Variants in TNR observed in about 807,000 individuals in gnomAD.
TNR encodes tenascin R.
Under a neutral mutation model 150.4 loss-of-function variants are expected in TNR, and 45 were observed. The ratio of observed to expected loss-of-function variants is 0.30; its 90% CI spans 0.24 to 0.38. The LOEUF is 0.38. Among genes scored for constraint, TNR ranks in the 10% least tolerant of loss-of-function variants. The pLI, the probability that TNR is intolerant of heterozygous loss-of-function variation, is 1.00. For synonymous variants in TNR, 687 were observed against 678.4 expected (o/e 1.01, Z -0.20); for missense variants, 1,544 against 1,759.1 (o/e 0.88, Z 2.19).
chr1:175,674,153 T>C (rs1450048752), intron 1 of TNR, among the ~76,000 whole-genome samples: 1 of 152,126 alleles, frequency 6.6e-6, no homozygotes, highest in Non-Finnish European at 1.5e-5. Context: ...TGTGCCCAGC[T>C]TGACCAGGGA....
intron 9 of TNR, among the ~76,000 whole-genome samples, chr1:175,368,973 G>GT (rs1469462817): frequency 6.6e-6 from 1 of 151,904 alleles, no homozygotes; most frequent in African/African-American, 2.4e-5. Flanking sequence ...AAACAAACAA[G>GT]TAAACAAAAA....
At chr1:175,565,039 G>C (rs1043096237) in intron 1 of TNR, among the ~76,000 whole-genome samples, 1 of 152,210 alleles carries the variant, frequency 6.6e-6, no homozygotes, top group African/African-American at 2.4e-5. Context: ...TAGCATCCAA[G>C]GCTAAAAGCT....
chr1:175,482,897 C>T (rs1657865372), intron 2 of TNR, among the ~76,000 whole-genome samples: 1 of 152,190 alleles, frequency 6.6e-6, no homozygotes, highest in Non-Finnish European at 1.5e-5. Flanking sequence ...GTACCAAGAC[C>T]TCACCCAATG....
intron 7 of TNR, among the ~76,000 whole-genome samples, chr1:175,388,749 T>C (rs1653044128): frequency 6.6e-6 from 1 of 152,244 alleles, no homozygotes; most frequent in Non-Finnish European, 1.5e-5. Flanking sequence ...TTCATGACTC[T>C]GTAGATGATG....
intron 1 of TNR, among the ~76,000 whole-genome samples, chr1:175,558,723 C>G (rs780472212): frequency 1.3e-5 from 2 of 151,858 alleles, no homozygotes; most frequent in South Asian, 4.2e-4. Context: ...ATTATGTTTC[C>G]TCTTTCCTTC....
chr1:175,353,199 C>A (rs1004751235), intron 18 of TNR, among the ~76,000 whole-genome samples: 1 of 152,208 alleles, frequency 6.6e-6, no homozygotes, highest in African/African-American at 2.4e-5. Flanking sequence ...GCTGAAACAT[C>A]TGGCGTCAAA....
intron 1 of TNR, among the ~76,000 whole-genome samples, chr1:175,600,181 A>G (rs915316539): frequency 6.6e-6 from 1 of 152,174 alleles, no homozygotes; most frequent in Non-Finnish European, 1.5e-5. Flanking sequence ...CATTTGTACA[A>G]TGGAGATAAT....
chr1:175,315,519 T>C lies in TNR; in HGVS notation c.*7838A>G, dbSNP rs1571275447. 6.6e-6 allele frequency: 1 copy of C among 152,290 alleles called. No homozygotes were observed. The highest frequency in any genetic ancestry group is 1.5e-5 in the Non-Finnish European group (1 of 68,022). The allele number at this position is 152,290 out of a possible 1,614,324, so 9.4% of individuals were successfully genotyped here. The stretch of plus-strand genomic sequence containing the variant: ...CATTGTAGCTACAAAGTCAATAAAT[T>C]GGTCTTTGTTATTTTTACCTGAAAA... On this transcript the variant is annotated 3_prime_UTR_variant, in exon 23 of 23. Coordinates refer to ENST00000367674, the MANE Select transcript of TNR (RefSeq NM_003285.3).
At chr1:175,699,210 C>A (rs369340961) in intron 1 of TNR, among the ~76,000 whole-genome samples, 1 of 151,866 alleles carries the variant, frequency 6.6e-6, no homozygotes, top group South Asian at 2.1e-4. Context: ...GCCTGAGTAA[C>A]TAGAATAATG....
At chr1:175,506,745 C>T (rs1014154056) in intron 2 of TNR, among the ~76,000 whole-genome samples, 1 of 152,222 alleles carries the variant, frequency 6.6e-6, no homozygotes, top group Non-Finnish European at 1.5e-5. Context: ...CTTGCTAGGG[C>T]AGTCCAAGCA....
intron 1 of TNR, among the ~76,000 whole-genome samples, chr1:175,716,387 C>G (rs1321582760): frequency 6.6e-6 from 1 of 152,188 alleles, no homozygotes; most frequent in African/African-American, 2.4e-5. Context: ...TCCCCTTCCC[C>G]CTGGTTGTTG....
chr1:175,602,928 A>G (rs536653284), intron 1 of TNR, among the ~76,000 whole-genome samples: 1 of 152,310 alleles, frequency 6.6e-6, no homozygotes, highest in East Asian at 1.9e-4. Flanking sequence ...TTTTTATTCA[A>G]CTTATTTTTT....
chr1:175,495,049 T>G (rs1422247525), intron 2 of TNR, among the ~76,000 whole-genome samples: 1 of 152,146 alleles, frequency 6.6e-6, no homozygotes, highest in Non-Finnish European at 1.5e-5. Flanking sequence ...ACGGCTGCAT[T>G]CATTCATTCA....
intron 8 of TNR, among the ~76,000 whole-genome samples, chr1:175,384,860 C>T (rs12569025): frequency 0.19 from 28,429 of 152,194 alleles, 2,821 homozygotes; most frequent in Middle Eastern, 0.28. Context: ...ATCTAGGGGA[C>T]ATTTTGGTGT....
At chr1:175,434,768 T>C (rs1655422872) in intron 2 of TNR, among the ~76,000 whole-genome samples, 1 of 152,202 alleles carries the variant, frequency 6.6e-6, no homozygotes, top group Admixed American at 6.5e-5. Context: ...ATGGAGTTTC[T>C]GAATTCTCTG....
chr1:175,473,864 T>C (rs1179335128), intron 2 of TNR, among the ~76,000 whole-genome samples: 1 of 152,156 alleles, frequency 6.6e-6, no homozygotes, highest in East Asian at 1.9e-4. Flanking sequence ...GTCTTTGTAA[T>C]AAAAAATGCT....
chr1:175,671,377 G>A (rs1238253845), intron 1 of TNR, among the ~76,000 whole-genome samples: 1 of 152,220 alleles, frequency 6.6e-6, no homozygotes, highest in Non-Finnish European at 1.5e-5. Context: ...GGGCAAGCTG[G>A]CCATGCTGAG....
chr1:175,638,372 C>T (rs1167279993), intron 1 of TNR, among the ~76,000 whole-genome samples: 1 of 152,206 alleles, frequency 6.6e-6, no homozygotes, highest in East Asian at 1.9e-4. Flanking sequence ...TTCAACCTCC[C>T]TCCTGGGGGA....
Position 175,329,960 on chromosome 1 carries a change from C to T in TNR, c.3793+114G>A, listed in dbSNP as rs148390767. On this transcript the variant is annotated intron_variant, in intron 21 of 22. Coordinates refer to ENST00000367674, the MANE Select transcript of TNR (RefSeq NM_003285.3). ...GGCCCTTCTTCTCCCTGGCCAGCAG[C>T]GAATGCTGGAACTCTGTGGGTGCTG... 1.5e-5 allele frequency: 18 copies of T among 1,179,028 alleles called. No individual in the cohort carries two copies. In the East Asian group the frequency reaches 1.5e-4, roughly 10 times the overall value. 73.0% of individuals were successfully genotyped at this position (1,179,028 alleles called of 1,614,324 possible).
Sources: allele counts gnomAD v4.1 joint callset (sites outside exome capture counted in the v4.1 genomes callset), GRCh38; gene constraint gnomAD v4.1.1; transcripts MANE v1.5; gene names NCBI Gene and HGNC (gene_info 2026-07-23, HGNC 2026-07-21).